The following CDK8 variants were observed in gnomAD, a reference collection of about 807,000 sequenced individuals.
CDK8 encodes cyclin-dependent kinase 8.
A neutral mutation model predicts 71.5 loss-of-function variants in CDK8; 29 were observed. That is an observed-to-expected ratio of 0.41 (90% CI 0.30 to 0.55). The LOEUF is 0.55. Ranked by LOEUF, CDK8 falls within the 20% of genes least tolerant of loss-of-function variation. The probability of loss-of-function intolerance (pLI) is 0.37; values close to 1 mark genes in which losing one functional copy is unlikely to be tolerated. For missense variants in CDK8, 288 were observed against 572.6 expected, an observed-to-expected ratio of 0.50 and a Z score of 5.07; for synonymous variants, 161 against 192.1, an observed-to-expected ratio of 0.84 and a Z score of 1.34.
chr13:26,389,880 C>G (rs1214536888), intron 6 of CDK8, among the ~76,000 whole-genome samples: 1 of 152,052 alleles, frequency 6.6e-6, no homozygotes, highest in Non-Finnish European at 1.5e-5. Flanking sequence ...CACCTGTAAT[C>G]CCAGCTGCTC....
intron 1 of CDK8, among the ~76,000 whole-genome samples, chr13:26,308,797 A>G (rs992655505): frequency 3.3e-5 from 5 of 152,106 alleles, no homozygotes; most frequent in African/African-American, 9.7e-5. Flanking sequence ...GCCCACTCCA[A>G]TTTGGCTTCT....
Position 26,392,196 on chromosome 13 carries a change from CTTTT to C in CDK8, c.647-1170_647-1167del, listed in dbSNP as rs1415302782. ...ATAGATCTTACCTCTACTAATAGTT[CTTTT>C]GAGTACAAATTTAATTTGAATGAAA... On this transcript the variant is annotated intron_variant, in intron 6 of 12. Coordinates refer to ENST00000381527, the MANE Select transcript of CDK8 (RefSeq NM_001260.3). 5.3e-5 allele frequency among the ~76,000 whole-genome samples: 8 copies of C among 151,874 alleles called. No homozygotes were observed. The East Asian group carries it at 1.5e-3, about 29-fold the overall frequency.
At chr13:26,255,391 T>A (rs958705494) in intron 1 of CDK8, among the ~76,000 whole-genome samples, 2 of 152,170 alleles carry the variant, frequency 1.3e-5, no homozygotes, top group Non-Finnish European at 2.9e-5. Flanking sequence ...GGGTGGGTGG[T>A]GGGGAAGAAG....
intron 1 of CDK8, among the ~76,000 whole-genome samples, chr13:26,286,030 C>T (rs1873002348): frequency 6.6e-6 from 1 of 152,134 alleles, no homozygotes; most frequent in Non-Finnish European, 1.5e-5. Flanking sequence ...CAAATGGAAA[C>T]ACATGCCAAG....
At chr13:26,327,632 C>T (rs1593266008) in intron 1 of CDK8, among the ~76,000 whole-genome samples, 2 of 152,204 alleles carry the variant, frequency 1.3e-5, no homozygotes, top group African/African-American at 2.4e-5. Context: ...AGTTCGAGAC[C>T]AGCCTGGACA....
chr13:26,297,497 C>T (rs544465952), intron 1 of CDK8, among the ~76,000 whole-genome samples: 8 of 152,212 alleles, frequency 5.3e-5, no homozygotes, highest in East Asian at 3.9e-4. Flanking sequence ...TGCTGAGAAT[C>T]GTCAACTTCA....
In CDK8 at chr13:26,284,997, G is replaced by T. The variant is rs1872937379; in HGVS notation, c.128+30228G>T. 2.0e-5 allele frequency among the ~76,000 whole-genome samples: 3 copies of T among 150,412 alleles called. No individual in the cohort carries two copies. In the South Asian group the frequency reaches 6.3e-4, roughly 31 times the overall value. On this transcript the variant is annotated intron_variant, in intron 1 of 12. Coordinates refer to ENST00000381527, the MANE Select transcript of CDK8 (RefSeq NM_001260.3). ...CTCATGCCTGTAATCCCAGCAATTT[G>T]AAAGGCTGATGTGGGTGGATCACCT...
chr13:26,349,259 C>T, intron 3 of CDK8, 77 bp downstream of exon 3: 2 of 791,806 alleles, frequency 2.5e-6, no homozygotes, highest in Non-Finnish European at 4.3e-6. Context: ...AGGTGTTCTG[C>T]TTATTATGAG....
chr13:26,318,497 C>G (rs1285582062), intron 1 of CDK8, among the ~76,000 whole-genome samples: 1 of 152,086 alleles, frequency 6.6e-6, no homozygotes, highest in Non-Finnish European at 1.5e-5. Flanking sequence ...AACTACAGAC[C>G]AATATCTCTT....
chr13:26,275,944 C>T (rs1394533826), intron 1 of CDK8, among the ~76,000 whole-genome samples: 4 of 152,116 alleles, frequency 2.6e-5, no homozygotes. Flanking sequence ...CTCACTGCAA[C>T]CTCTGCCTCC....
intron 2 of CDK8, among the ~76,000 whole-genome samples, chr13:26,341,420 C>T (rs541817075): frequency 4.6e-5 from 7 of 151,960 alleles, no homozygotes; most frequent in South Asian, 4.2e-4. Flanking sequence ...CCATCGTGCC[C>T]GGCCAAGCAT....
At chr13:26,388,286 T>C (rs1875577082) in intron 6 of CDK8, among the ~76,000 whole-genome samples, 1 of 152,212 alleles carries the variant, frequency 6.6e-6, no homozygotes, top group Non-Finnish European at 1.5e-5. Flanking sequence ...TATAAAATTA[T>C]TAATACAATA....
chr13:26,375,137 A>G (rs4770974), intron 4 of CDK8, among the ~76,000 whole-genome samples: 32,319 of 152,152 alleles, frequency 0.21, 4,272 homozygotes, highest in East Asian at 0.37. Context: ...CAATATATTT[A>G]GTTTGATGCC....
chr13:26,344,371 C>T (rs2182848), intron 2 of CDK8, among the ~76,000 whole-genome samples: 144,109 of 152,284 alleles, frequency 0.95, 68,232 homozygotes, highest in East Asian at 1. Context: ...TGTTTCTTTT[C>T]GTAAGCTAAG....
intron 4 of CDK8, among the ~76,000 whole-genome samples, chr13:26,380,712 C>T (rs1181268837): frequency 6.6e-6 from 1 of 152,166 alleles, no homozygotes; most frequent in East Asian, 1.9e-4. Flanking sequence ...AGCTCCTGGA[C>T]TCTGGCAGCC....
At chr13:26,340,351 A>G (rs1463289953) in intron 2 of CDK8, among the ~76,000 whole-genome samples, 1 of 152,146 alleles carries the variant, frequency 6.6e-6, no homozygotes, top group African/African-American at 2.4e-5. Flanking sequence ...GAGACCTTGT[A>G]TTTTAGAGAT....
At chr13:26,276,536 C>T (rs1167177312) in intron 1 of CDK8, among the ~76,000 whole-genome samples, 2 of 152,176 alleles carry the variant, frequency 1.3e-5, no homozygotes, top group Admixed American at 1.3e-4. Flanking sequence ...ATCATAAGGG[C>T]ATATAAGTTA....
chr13:26,307,456 G>C (rs1269533450), intron 1 of CDK8, among the ~76,000 whole-genome samples: 1 of 152,148 alleles, frequency 6.6e-6, no homozygotes, highest in Non-Finnish European at 1.5e-5. Flanking sequence ...AAGTGTGGTG[G>C]CCACCTTTAA....
At chr13:26,393,588 AT>A (rs5802375) in intron 7 of CDK8, 78 bp downstream of exon 7, 1 of 1,422,318 alleles carries the variant, frequency 7.0e-7, no homozygotes, top group Non-Finnish European at 9.6e-7. Context: ...AGAGGTATAT[AT>A]TTTTAGCTGA....
Sources: gnomAD v4.1 joint callset for allele counts (sites outside exome capture counted in the v4.1 genomes callset) on GRCh38, gnomAD v4.1.1 for gene constraint, MANE v1.5 for transcripts, NCBI Gene and HGNC (gene_info 2026-07-23, HGNC 2026-07-21) for gene names.